CDH13: variants seen among roughly 807,000 people sequenced by gnomAD.
CDH13 encodes cadherin 13, also known as cadherin-13.
CDH13 carries 24 observed loss-of-function variants against 63.8 expected under a neutral mutation model. The observed-to-expected ratio is 0.38, with a 90% confidence interval of 0.27 to 0.53. The LOEUF (loss-of-function observed/expected upper bound fraction) is 0.53. CDH13 is among the 20% of genes least tolerant of loss of function. The probability of loss-of-function intolerance (pLI) is 0.85; values close to 1 mark genes in which losing one functional copy is unlikely to be tolerated. For synonymous variants in CDH13, 503 were observed against 355.3 expected (o/e 1.42, Z -4.67); for missense variants, 1,049 against 903.1 (o/e 1.16, Z -2.07).
At chr16:83,115,268 G>A (rs1197929893) in intron 3 of CDH13, among the ~76,000 whole-genome samples, 3 of 152,202 alleles carry the variant, frequency 2.0e-5, no homozygotes, top group Non-Finnish European at 2.9e-5. Context: ...AAACAGCCAT[G>A]GTGGTTCTGC....
At chr16:82,693,423 G>A (rs1915823536) in intron 1 of CDH13, among the ~76,000 whole-genome samples, 1 of 151,762 alleles carries the variant, frequency 6.6e-6, no homozygotes, top group Admixed American at 6.6e-5. Context: ...GCACCTCTTT[G>A]CTGAAAGCAA....
At chr16:83,688,559 T>G (rs1904537210) in intron 10 of CDH13, among the ~76,000 whole-genome samples, 1 of 152,224 alleles carries the variant, frequency 6.6e-6, no homozygotes, top group Admixed American at 6.5e-5. Flanking sequence ...TTCATCTTAA[T>G]TAAATGTGGT....
chr16:82,908,546 C>T (rs1227375961), intron 2 of CDH13, among the ~76,000 whole-genome samples: 3 of 152,288 alleles, frequency 2.0e-5, no homozygotes, highest in African/African-American at 7.2e-5. Flanking sequence ...AGTCTAGATA[C>T]GAGTACATTC....
At chr16:82,916,361 G>A (rs972962315) in intron 2 of CDH13, among the ~76,000 whole-genome samples, 6 of 152,110 alleles carry the variant, frequency 3.9e-5, no homozygotes, top group Admixed American at 1.3e-4. Flanking sequence ...GGATGACGAG[G>A]TTAGGAGTTG....
intron 4 of CDH13, among the ~76,000 whole-genome samples, chr16:83,201,549 G>A (rs931168426): frequency 6.6e-6 from 1 of 152,062 alleles, no homozygotes; most frequent in Non-Finnish European, 1.5e-5. Flanking sequence ...TGGGAAAGGG[G>A]GCTGGGATAC....
chr16:83,267,827 AGC>A (rs1241259542), intron 5 of CDH13, among the ~76,000 whole-genome samples: 2 of 152,264 alleles, frequency 1.3e-5, no homozygotes, highest in Non-Finnish European at 2.9e-5. Flanking sequence ...ATGTTGTCAT[AGC>A]ATAAAATGGA....
At chr16:83,312,039 T>C (rs1250228821) in intron 5 of CDH13, among the ~76,000 whole-genome samples, 1 of 126,878 alleles carries the variant, frequency 7.9e-6, no homozygotes, top group Non-Finnish European at 1.6e-5. Context: ...TGCATTGCAC[T>C]CCAGCCTGGG....
chr16:82,896,017 A>G (rs1442622187), intron 2 of CDH13, among the ~76,000 whole-genome samples: 1 of 152,144 alleles, frequency 6.6e-6, no homozygotes, highest in Admixed American at 6.5e-5. Flanking sequence ...TCTCAGATCA[A>G]ACACTACCTC....
intron 1 of CDH13, among the ~76,000 whole-genome samples, chr16:82,748,925 C>T (rs1432110284): frequency 2.6e-5 from 4 of 152,194 alleles, no homozygotes; most frequent in Non-Finnish European, 5.9e-5. Context: ...CCAATCAGAT[C>T]ACTAATTGTC....
At chr16:83,181,926 G>T (rs2038360592) in intron 4 of CDH13, among the ~76,000 whole-genome samples, 1 of 152,172 alleles carries the variant, frequency 6.6e-6, no homozygotes, top group African/African-American at 2.4e-5. Flanking sequence ...CAGGCGTCGG[G>T]CACAGAGACC....
At chr16:83,737,550 C>G (rs1911652367) in intron 10 of CDH13, among the ~76,000 whole-genome samples, 1 of 151,814 alleles carries the variant, frequency 6.6e-6, no homozygotes, top group Non-Finnish European at 1.5e-5. Flanking sequence ...AAATTCCAGT[C>G]CTATGTTCCT....
intron 5 of CDH13, among the ~76,000 whole-genome samples, chr16:83,273,927 T>A (rs1284781819): frequency 1.3e-5 from 2 of 152,120 alleles, no homozygotes; most frequent in Non-Finnish European, 2.9e-5. Flanking sequence ...ACCTCAGAGC[T>A]CTTAATGATT....
intron 1 of CDH13, among the ~76,000 whole-genome samples, chr16:82,663,609 C>G (rs912428794): frequency 2.0e-5 from 3 of 152,198 alleles, no homozygotes; most frequent in Non-Finnish European, 4.4e-5. Context: ...CTAAAAAGTT[C>G]AAAAGCATCT....
rs1339787555 is a variant in CDH13, at chr16:82,787,251, T to C, written c.46-71111T>C. On this transcript the variant is annotated intron_variant, in intron 1 of 13. Coordinates refer to ENST00000567109, the MANE Select transcript of CDH13 (RefSeq NM_001257.5). ...TAATTGATTTGACTTCTTCACCATG[T>C]CCATGTATACAGCTGAGCATGGCCA... Among the ~76,000 whole-genome samples the C allele has an allele frequency of 3.9e-5, 6 of 152,192 alleles. No individual in the cohort carries two copies. In the East Asian group the frequency reaches 1.2e-3, roughly 29 times the overall value.
At chr16:83,073,354 T>TGTGAGAGAGAGA (rs1311548254) in intron 3 of CDH13, among the ~76,000 whole-genome samples, 1,544 of 139,778 alleles carry the variant, frequency 0.011, 15 homozygotes, top group Non-Finnish European at 0.017. Context: ...TGTGTGTGTG[T>TGTGAGAGAGAGA]GAGAGAGAGA....
At chr16:83,228,564 A>G (rs923745928) in intron 5 of CDH13, among the ~76,000 whole-genome samples, 1 of 152,228 alleles carries the variant, frequency 6.6e-6, no homozygotes, top group Admixed American at 6.5e-5. Flanking sequence ...TCGGAAGGAC[A>G]TGAGGTCAAA....
intron 7 of CDH13, among the ~76,000 whole-genome samples, chr16:83,586,958 C>T (rs1223600119): frequency 6.6e-6 from 1 of 152,068 alleles, no homozygotes; most frequent in Non-Finnish European, 1.5e-5. Context: ...AGCAGAAAGG[C>T]CATGTCTCAA....
chr16:83,001,162 A>G (rs80002119), intron 2 of CDH13, among the ~76,000 whole-genome samples: 2,531 of 152,302 alleles, frequency 0.017, 64 homozygotes, highest in African/African-American at 0.055. Context: ...ATGACTTTAT[A>G]TTTATTCCAA....
chr16:83,289,428 C>T (rs2089411984), intron 5 of CDH13, among the ~76,000 whole-genome samples: 1 of 152,126 alleles, frequency 6.6e-6, no homozygotes, highest in African/African-American at 2.4e-5. Flanking sequence ...TGCCCAGGCT[C>T]CACTTTAGTG....
Sources: gnomAD v4.1 joint callset for allele counts (sites outside exome capture counted in the v4.1 genomes callset) on GRCh38, gnomAD v4.1.1 for gene constraint, MANE v1.5 for transcripts, NCBI Gene and HGNC (gene_info 2026-07-23, HGNC 2026-07-21) for gene names.